FSIP1: variants seen among roughly 807,000 people sequenced by gnomAD.
FSIP1 encodes fibrous sheath interacting protein 1.
A neutral mutation model predicts 60.9 loss-of-function variants in FSIP1; 65 were observed. The observed-to-expected ratio is 1.07, with a 90% confidence interval of 0.87 to 1.31. FSIP1 has a LOEUF of 1.31. FSIP1 is among the 40% of genes most tolerant of loss of function. The pLI, the probability that FSIP1 is intolerant of heterozygous loss-of-function variation, is 0.00. For missense variants in FSIP1, 675 were observed against 665.5 expected (o/e 1.01, Z -0.16); for synonymous variants, 209 against 221.2 (o/e 0.94, Z 0.49).
Position 39,617,778 on chromosome 15 carries a change from T to TCAC in FSIP1, c.1655_1656insGTG (p.Glu552_Asp553insTer), listed in dbSNP as rs1891287055. 6.2e-6 allele frequency: 10 copies of TCAC among 1,613,950 alleles called. No individual in the cohort carries two copies. Among genetic ancestry groups the TCAC allele is most frequent in the Non-Finnish European group, 8.5e-6 (10 of 1,179,860 alleles). Reference sequence around the variant, plus strand: ...GAGAACTGAGTTTCAGATGTTGGTCTTCTGATGAAAGGCTCACACTGATAC... The same window carrying TCAC: ...GAGAACTGAGTTTCAGATGTTGGTCTCACTCTGATGAAAGGCTCACACTGATAC... On this transcript the variant is annotated stop_gained and inframe_insertion, in exon 11 of 12. Coordinates refer to ENST00000350221, the MANE Select transcript of FSIP1 (RefSeq NM_152597.5). LOFTEE classifies it high-confidence loss of function.
chr15:39,618,686 C>T lies in FSIP1; in HGVS notation c.1189-441G>A, dbSNP rs1055352599. On this transcript the variant is annotated intron_variant, in intron 10 of 11. Transcript: ENST00000350221. The stretch of plus-strand genomic sequence containing the variant: ...GCAGAGGCCAGGGGCATTCCAGAGG[C>T]GGTGTATTTGGGGAGAATGATTTGA... Among the ~76,000 whole-genome samples the T allele has an allele frequency of 8.5e-5, 13 of 152,286 alleles. No individual in the cohort carries two copies. In the East Asian group the frequency reaches 9.6e-4, roughly 11 times the overall value.
chr15:39,729,404 T>A (rs1408764181), intron 8 of FSIP1, among the ~76,000 whole-genome samples: 5 of 152,088 alleles, frequency 3.3e-5, no homozygotes. Flanking sequence ...AAACCTCACC[T>A]TTACAAAAAA....
At chr15:39,773,565 T>C (rs1468400174) in intron 2 of FSIP1, among the ~76,000 whole-genome samples, 1 of 152,246 alleles carries the variant, frequency 6.6e-6, no homozygotes, top group Non-Finnish European at 1.5e-5. Flanking sequence ...ATCATGAAGT[T>C]GCTGCTTAAA....
chr15:39,705,908 G>A (rs932138148), intron 10 of FSIP1, among the ~76,000 whole-genome samples: 2 of 149,574 alleles, frequency 1.3e-5, no homozygotes, highest in African/African-American at 4.9e-5. Context: ...TAAGGAAGGA[G>A]AATTGCTTGA....
intron 11 of FSIP1, among the ~76,000 whole-genome samples, chr15:39,616,714 T>G (rs1891243955): frequency 6.6e-6 from 1 of 152,206 alleles, no homozygotes; most frequent in Non-Finnish European, 1.5e-5. Flanking sequence ...CTGATTTTGA[T>G]CAACAGGCAT....
In FSIP1 at chr15:39,617,897, C is replaced by T. The variant is rs758206272; in HGVS notation, c.1537G>A (p.Val513Ile). ...NMKCLQFSKD[V>I]IISDTKDYFM... ...TAGTCTTTTGTGTCACTAATAATAACGTCCTTGGAAAATTGAAGGCATTTC... is the reference window on the plus strand; with the variant it reads ...TAGTCTTTTGTGTCACTAATAATAATGTCCTTGGAAAATTGAAGGCATTTC... Residue 513 changes from valine (V) to isoleucine (I), a missense_variant, in exon 11 of 12, where the codon GTT becomes ATT. Val to Ile is a conservative substitution (Grantham distance 29). Coordinates refer to ENST00000350221, the MANE Select transcript of FSIP1 (RefSeq NM_152597.5). The T allele has an allele frequency of 1.5e-5, 24 of 1,614,022 alleles. No homozygotes were observed. The Admixed American group carries it at 2.2e-4, about 15-fold the overall frequency.
At position 39,687,136 on chromosome 15, in the gene FSIP1, CCTTTTTTTTT is replaced by C. The variant is rs1422477055; in HGVS notation, c.1188+26298_1188+26307del. Among the ~76,000 whole-genome samples the C allele has an allele frequency of 1.2e-3, 59 of 47,704 alleles. 2 individuals carry two copies. Among genetic ancestry groups the C allele is most frequent in the African/African-American group, 4.7e-3 (54 of 11,498 alleles). The allele number at this position is 47,704 out of a possible 152,430, so 31.3% of individuals were successfully genotyped here. ...CACCTTTCTTTCTTTCTTTTCTTTT[CCTTTTTTTTT>C]TTTTTTTTTTTTTTTTTTTGAGACA... On this transcript the variant is annotated intron_variant, in intron 10 of 11. Coordinates refer to ENST00000350221, the MANE Select transcript of FSIP1 (RefSeq NM_152597.5).
chr15:39,687,381 T>G (rs1894425519), intron 10 of FSIP1, among the ~76,000 whole-genome samples: 1 of 152,192 alleles, frequency 6.6e-6, no homozygotes, highest in Non-Finnish European at 1.5e-5. Context: ...CTCAAACTCC[T>G]GCCCTCAGGT....
At chr15:39,628,574 A>G (rs751105351) in intron 10 of FSIP1, among the ~76,000 whole-genome samples, 2 of 152,216 alleles carry the variant, frequency 1.3e-5, no homozygotes, top group East Asian at 1.9e-4. Context: ...CCAGCACCCT[A>G]TCTTTAAGTT....
In FSIP1 at chr15:39,649,431, A is replaced by G. The variant is rs558229629; in HGVS notation, c.1189-31186T>C. 1.6e-4 allele frequency among the ~76,000 whole-genome samples: 24 copies of G among 152,350 alleles called. No individual in the cohort carries two copies. The East Asian group carries it at 4.2e-3, about 27-fold the overall frequency. On this transcript the variant is annotated intron_variant, in intron 10 of 11. Coordinates refer to ENST00000350221, the MANE Select transcript of FSIP1 (RefSeq NM_152597.5). Reference sequence around the variant, plus strand: ...GAACATTTGTCCCACCTATTCTGATAATACTTTACTATCCCTTTGTTTTTC... The same window carrying G: ...GAACATTTGTCCCACCTATTCTGATGATACTTTACTATCCCTTTGTTTTTC...
intron 4 of FSIP1, 57 bp downstream of exon 4, chr15:39,765,535 T>C (rs1897654499): frequency 7.4e-7 from 1 of 1,357,412 alleles, no homozygotes; most frequent in African/African-American, 1.5e-5. Context: ...TGAGCCACCA[T>C]GCCCAGCCAG....
chr15:39,666,227 G>A (rs573762813), intron 10 of FSIP1, among the ~76,000 whole-genome samples: 13 of 152,240 alleles, frequency 8.5e-5, no homozygotes, highest in South Asian at 4.1e-4. Context: ...CTAGCCAGCC[G>A]AGTTTCTGGC....
chr15:39,716,717 C>T (rs1895751657), intron 9 of FSIP1, among the ~76,000 whole-genome samples: 1 of 151,856 alleles, frequency 6.6e-6, no homozygotes, highest in African/African-American at 2.4e-5. Flanking sequence ...AAACTGTGAA[C>T]ACCAAATGTT....
chr15:39,633,648 A>G (rs1182156323), intron 10 of FSIP1, among the ~76,000 whole-genome samples: 1 of 152,246 alleles, frequency 6.6e-6, no homozygotes, highest in African/African-American at 2.4e-5. Flanking sequence ...CTTTAGACGT[A>G]GTTAATTGAA....
chr15:39,680,166 A>C (rs1182197007), intron 10 of FSIP1, among the ~76,000 whole-genome samples: 1 of 151,662 alleles, frequency 6.6e-6, no homozygotes, highest in Non-Finnish European at 1.5e-5. Flanking sequence ...AAAAATAATA[A>C]TAATGTAAGA....
At chr15:39,648,733 G>T (rs968750332) in intron 10 of FSIP1, among the ~76,000 whole-genome samples, 1 of 152,142 alleles carries the variant, frequency 6.6e-6, no homozygotes, top group Non-Finnish European at 1.5e-5. Context: ...GAGACTTCTT[G>T]GGAAAGTCTT....
chr15:39,630,510 G>C (rs1004787713), intron 10 of FSIP1, among the ~76,000 whole-genome samples: 6 of 152,222 alleles, frequency 3.9e-5, no homozygotes, highest in African/African-American at 1.4e-4. Flanking sequence ...CAGGTCATTA[G>C]TCAGTTGCAC....
intron 10 of FSIP1, among the ~76,000 whole-genome samples, chr15:39,624,968 T>C (rs1891579055): frequency 6.6e-6 from 1 of 152,182 alleles, no homozygotes; most frequent in African/African-American, 2.4e-5. Flanking sequence ...GACAGAATAA[T>C]ACTGAGTGTG....
At chr15:39,626,671 C>T (rs1402648042) in intron 10 of FSIP1, among the ~76,000 whole-genome samples, 2 of 151,080 alleles carry the variant, frequency 1.3e-5, no homozygotes, top group East Asian at 1.9e-4. Flanking sequence ...CCCCCGTGTG[C>T]TCTCTCTCTT....
Sources: gnomAD v4.1 joint callset for allele counts (sites outside exome capture counted in the v4.1 genomes callset) on GRCh38, gnomAD v4.1.1 for gene constraint, MANE v1.5 for transcripts, NCBI Gene and HGNC (gene_info 2026-07-23, HGNC 2026-07-21) for gene names.